The following PDE6D variants were observed in gnomAD, a reference collection of about 807,000 sequenced individuals.
PDE6D encodes phosphodiesterase 6D.
PDE6D carries 10 observed loss-of-function variants against 21.9 expected under a neutral mutation model. The observed-to-expected ratio is 0.46, with a 90% CI of 0.28 to 0.78. The LOEUF is 0.78. Ranked by LOEUF, PDE6D falls within the 30% of genes least tolerant of loss-of-function variation. The probability of loss-of-function intolerance (pLI) is 0.12; values close to 1 mark genes in which losing one functional copy is unlikely to be tolerated. For missense variants in PDE6D, 139 were observed against 184.8 expected (o/e 0.75, Z 1.44); for synonymous variants, 59 against 63.5 (o/e 0.93, Z 0.34).
rs560968360 is a variant in PDE6D at position 231,768,964 on chromosome 2, G to T, written c.50+12101C>A. Among the ~76,000 whole-genome samples the T allele has an allele frequency of 3.9e-5, 6 of 152,214 alleles. No individual in the cohort carries two copies. The East Asian group carries it at 1.2e-3, about 29-fold the overall frequency. On this transcript the variant is annotated intron_variant, in intron 1 of 4. Coordinates refer to ENST00000287600, the MANE Select transcript of PDE6D (RefSeq NM_002601.4). The stretch of plus-strand genomic sequence containing the variant: ...CCTCACTGCAACCTCCGCCTCCTGG[G>T]TTTAAGCGATTCTCCTGTCTCAGCC...
chr2:231,763,638 CTTTTTTTTT>C (rs756344566), intron 1 of PDE6D, among the ~76,000 whole-genome samples: 1 of 135,498 alleles, frequency 7.4e-6, no homozygotes, highest in Non-Finnish European at 1.6e-5. Flanking sequence ...CTTTTTTTTT[CTTTTTTTTT>C]TTTTTAGAGA....
At chr2:231,770,590 G>C (rs1392454012) in intron 1 of PDE6D, among the ~76,000 whole-genome samples, 1 of 152,160 alleles carries the variant, frequency 6.6e-6, no homozygotes. Context: ...GGCCAAGGCA[G>C]TCAGATCACT....
intron 4 of PDE6D, among the ~76,000 whole-genome samples, chr2:231,735,444 G>A (rs1324087228): frequency 6.6e-6 from 1 of 150,388 alleles, no homozygotes; most frequent in Non-Finnish European, 1.5e-5. Context: ...GACTACAAGC[G>A]TGTGCCGCCA....
intron 1 of PDE6D, among the ~76,000 whole-genome samples, chr2:231,743,428 C>CAAA (rs34916848): frequency 6.8e-5 from 4 of 58,998 alleles, no homozygotes; most frequent in African/African-American, 1.1e-4. Flanking sequence ...GATTCCGTCT[C>CAAA]AAAAAAAAAA....
At chr2:231,748,202 T>C (rs1457002633) in intron 1 of PDE6D, among the ~76,000 whole-genome samples, 3 of 152,150 alleles carry the variant, frequency 2.0e-5, no homozygotes, top group Non-Finnish European at 1.5e-5. Flanking sequence ...TGTGGGAAAG[T>C]TTGGAACTTC....
chr2:231,752,136 ATATT>A (rs1311824373), intron 1 of PDE6D, among the ~76,000 whole-genome samples: 1 of 152,248 alleles, frequency 6.6e-6, no homozygotes, highest in African/African-American at 2.4e-5. Context: ...CTGCTTAGAA[ATATT>A]TATTTGAGAT....
chr2:231,757,558 C>T (rs2048892774), intron 1 of PDE6D, among the ~76,000 whole-genome samples: 1 of 152,240 alleles, frequency 6.6e-6, no homozygotes, highest in African/African-American at 2.4e-5. Flanking sequence ...TCCCAAAGTA[C>T]TGGGGTTACA....
intron 4 of PDE6D, 70 bp from the exon 5 acceptor site, chr2:231,733,103 A>G: frequency 1.8e-6 from 2 of 1,096,784 alleles, no homozygotes; most frequent in Non-Finnish European, 2.8e-6. Context: ...CATTTCCACA[A>G]AGTGGTTTCC....
intron 1 of PDE6D, among the ~76,000 whole-genome samples, chr2:231,751,963 A>C (rs998509089): frequency 6.6e-6 from 1 of 152,186 alleles, no homozygotes; most frequent in African/African-American, 2.4e-5. Context: ...TGAGGGATAA[A>C]TAACTATATG....
chr2:231,765,363 A>G (rs2048961807), intron 1 of PDE6D, among the ~76,000 whole-genome samples: 1 of 152,108 alleles, frequency 6.6e-6, no homozygotes, highest in African/African-American at 2.4e-5. Flanking sequence ...CCACCAACGA[A>G]CCAAAAAACC....
Position 231,781,238 on chromosome 2 carries a change from CAG to C in PDE6D, c.-126_-125del. The stretch of plus-strand genomic sequence containing the variant: ...ACCTCGGGCTAGCAGCCGCAGCGGC[CAG>C]ACCAGGACCGGCCTCTCTCTCCCCT... On this transcript the variant is annotated 5_prime_UTR_variant, in exon 1 of 5. Coordinates refer to ENST00000287600, the MANE Select transcript of PDE6D (RefSeq NM_002601.4). The C allele has an allele frequency of 1.2e-6, 1 of 851,750 alleles. No homozygotes were observed. Among genetic ancestry groups the C allele is most frequent in the Non-Finnish European group, 1.9e-6 (1 of 526,236 alleles). The allele number at this position is 851,750 out of a possible 1,614,324, so 52.8% of individuals were successfully genotyped here.
chr2:231,743,580 T>A (rs1307464168), intron 1 of PDE6D, among the ~76,000 whole-genome samples: 1 of 152,108 alleles, frequency 6.6e-6, no homozygotes, highest in Non-Finnish European at 1.5e-5. Context: ...TCAGATCACA[T>A]TGGCTGTGTC....
Position 231,781,205 on chromosome 2 carries a change from G to A in PDE6D, c.-91C>T, listed in dbSNP as rs2049121702. 7.7e-7 allele frequency: 1 copy of A among 1,300,854 alleles called. No individual in the cohort carries two copies. Among genetic ancestry groups the A allele is most frequent in the East Asian group, 2.4e-5 (1 of 41,680 alleles). The allele number at this position is 1,300,854 out of a possible 1,614,324, so 80.6% of individuals were successfully genotyped here. A position where few individuals can be genotyped will look rare whatever the true frequency, so the allele number is the denominator to read the frequency against. On this transcript the variant is annotated 5_prime_UTR_variant, in exon 1 of 5. Transcript: ENST00000287600. ...GAGCCGAGGATGGAGCCGCAGCCCG[G>A]CTTGGAGACCTCGGGCTAGCAGCCG...
chr2:231,764,075 T>A (rs893635914), intron 1 of PDE6D, among the ~76,000 whole-genome samples: 3 of 152,208 alleles, frequency 2.0e-5, no homozygotes, highest in African/African-American at 7.2e-5. Flanking sequence ...AAGAATAAGA[T>A]AAGACTTTTG....
At chr2:231,740,842 T>C (rs1268528315) in intron 1 of PDE6D, among the ~76,000 whole-genome samples, 1 of 151,012 alleles carries the variant, frequency 6.6e-6, no homozygotes, top group Non-Finnish European at 1.5e-5. Flanking sequence ...GAAAATTTCG[T>C]AGATGGAAAG....
Position 231,739,734 on chromosome 2 carries a change from C to T in PDE6D, c.51-546G>A, listed in dbSNP as rs949775054. Among the ~76,000 whole-genome samples the T allele has an allele frequency of 6.6e-6, 1 of 151,966 alleles. No homozygotes were observed. Among genetic ancestry groups the T allele is most frequent in the Non-Finnish European group, 1.5e-5 (1 of 68,026 alleles). ...ACAACCTTCATCTCCTTGGTTCAAG[C>T]AATTCTTGTGCCTCAGCCTCCTGAG... is the stretch of plus-strand genomic sequence containing the variant. On this transcript the variant is annotated intron_variant, in intron 1 of 4. Transcript: ENST00000287600. The surrounding 1 kb of genome is among the most constrained non-coding windows in gnomAD (Gnocchi z 4.2).
At position 231,737,293 on chromosome 2, in the gene PDE6D, C is replaced by T; in HGVS notation, c.266-1G>A. The T allele has an allele frequency of 6.3e-7, 1 of 1,587,016 alleles. No individual in the cohort carries two copies. Among genetic ancestry groups the T allele is most frequent in the Non-Finnish European group, 8.7e-7 (1 of 1,155,590 alleles). On this transcript the variant is annotated splice_acceptor_variant, in intron 3 of 4. Coordinates refer to ENST00000287600, the MANE Select transcript of PDE6D (RefSeq NM_002601.4). LOFTEE classifies it high-confidence loss of function. Reference sequence around the variant, plus strand: ...ACAAAGCCAAACTCGAAGAACCATTCTGAAGGAAGAAGGAAAAGCCGGGGT... The same window carrying T: ...ACAAAGCCAAACTCGAAGAACCATTTTGAAGGAAGAAGGAAAAGCCGGGGT...
intron 4 of PDE6D, among the ~76,000 whole-genome samples, chr2:231,736,601 C>G (rs2048704522): frequency 6.6e-6 from 1 of 152,202 alleles, no homozygotes; most frequent in East Asian, 1.9e-4. Context: ...GTTCTTGGAA[C>G]AGGAACCAAA....
intron 1 of PDE6D, among the ~76,000 whole-genome samples, chr2:231,751,015 A>AC (rs1354482571): frequency 6.6e-6 from 1 of 152,204 alleles, no homozygotes; most frequent in Non-Finnish European, 1.5e-5. Flanking sequence ...TAATGATATT[A>AC]TCCCAAATCC....
Sources: allele counts gnomAD v4.1 joint callset (sites outside exome capture counted in the v4.1 genomes callset), GRCh38; gene constraint gnomAD v4.1.1; non-coding constraint Gnocchi (gnomAD v3.1); transcripts MANE v1.5; gene names NCBI Gene and HGNC (gene_info 2026-07-23, HGNC 2026-07-21).